The following NRDE2 variants were observed in gnomAD, a reference collection of about 807,000 sequenced individuals.
NRDE2 encodes the protein nuclear exosome regulator NRDE2.
In NRDE2, 76 loss-of-function variants were observed where a neutral mutation model predicts 124.2. The observed-to-expected ratio is 0.61, with a 90% CI of 0.51 to 0.74. NRDE2 has a LOEUF of 0.74. Ranked by LOEUF, NRDE2 falls within the 30% of genes least tolerant of loss-of-function variation. The probability of loss-of-function intolerance (pLI) is 0.00; values close to 1 mark genes in which losing one functional copy is unlikely to be tolerated. For missense variants in NRDE2, 1,314 were observed against 1,417.3 expected (o/e 0.93, Z 1.17); for synonymous variants, 489 against 528.1 (o/e 0.93, Z 1.01).
intron 13 of NRDE2, 37 bp downstream of exon 13, chr14:90,279,014 GCGGGAAGTTTT>G: frequency 7.4e-7 from 1 of 1,344,112 alleles, no homozygotes. Flanking sequence ...CGGAGACCTG[GCGGGAAGTTTT>G]CGGGAAGCTG....
In NRDE2 at chr14:90,307,494, G is replaced by A. The variant is rs143928247; in HGVS notation, c.558-3112C>T. On this transcript the variant is annotated intron_variant, in intron 4 of 13. Transcript: ENST00000354366. Reference sequence around the variant, plus strand: ...TAATCCCAGCACTTTGAGAGGCCGAGGTGGGTGGATCAATTAAGGCCAGGA... The same window carrying A: ...TAATCCCAGCACTTTGAGAGGCCGAAGTGGGTGGATCAATTAAGGCCAGGA... Among the ~76,000 whole-genome samples the A allele has an allele frequency of 5.3e-3, 804 of 152,292 alleles. 5 individuals carry two copies. The highest frequency in any genetic ancestry group is 0.016 in the South Asian group (75 of 4,824).
At chr14:90,315,798 A>G (rs1000624015) in intron 3 of NRDE2, among the ~76,000 whole-genome samples, 11 of 151,646 alleles carry the variant, frequency 7.3e-5, no homozygotes, top group South Asian at 2.1e-4. Flanking sequence ...TCTACTAAAA[A>G]TACAAAAAAT....
At position 90,331,866 on chromosome 14, in the gene NRDE2, A is replaced by G. The variant is rs1885720411; in HGVS notation, c.39T>C (p.Ala13=). 3 of 1,613,890 alleles carry G rather than the reference A, an allele frequency of 1.9e-6. No homozygotes were observed. Among genetic ancestry groups the G allele is most frequent in the Non-Finnish European group, 2.5e-6 (3 of 1,180,026 alleles). ...LFPAFAGLSE[A]PDGGSSRKEL... is the part of the protein sequence containing the mutation. The stretch of plus-strand genomic sequence containing the variant: ...CTTTCCTGGAGCTCCCGCCATCGGG[A>G]GCCTCACTAAGCCCCGCAAAGGCTG... Residue 13 remains alanine (A), a synonymous_variant, in exon 1 of 14, where the codon GCT becomes GCC. Coordinates refer to ENST00000354366, the MANE Select transcript of NRDE2 (RefSeq NM_017970.4).
Position 90,283,872 on chromosome 14 carries a change from C to T in NRDE2, c.3297+2482G>A, listed in dbSNP as rs576776422. Among the ~76,000 whole-genome samples, 455 of 152,024 alleles carry T rather than the reference C, an allele frequency of 3.0e-3. 2 individuals are homozygous for T. The highest frequency in any genetic ancestry group is 5.5e-3 in the Non-Finnish European group (372 of 67,968). On this transcript the variant is annotated intron_variant, in intron 12 of 13. Transcript: ENST00000354366. ...GACTACAGGCACCTGCTACCACGCC[C>T]GGCTAATTTTTTGTATTTTTAGTAG... is the stretch of plus-strand genomic sequence containing the variant.
chr14:90,293,878 C>T (rs1217660417), intron 8 of NRDE2, among the ~76,000 whole-genome samples: 4 of 152,232 alleles, frequency 2.6e-5, no homozygotes, highest in African/African-American at 7.2e-5. Context: ...TACAGCCACA[C>T]AGGAAATCAT....
At chr14:90,283,986 C>T (rs1892028304) in intron 12 of NRDE2, among the ~76,000 whole-genome samples, 1 of 152,148 alleles carries the variant, frequency 6.6e-6, no homozygotes, top group African/African-American at 2.4e-5. Flanking sequence ...GCTGGGATTA[C>T]AGGCATGAGC....
At chr14:90,325,584 G>A (rs1436028785) in intron 1 of NRDE2, among the ~76,000 whole-genome samples, 2 of 152,088 alleles carry the variant, frequency 1.3e-5, no homozygotes, top group African/African-American at 4.8e-5. Context: ...GGAGTGCAGT[G>A]GTGAGATCTC....
intron 11 of NRDE2, among the ~76,000 whole-genome samples, 184 bp downstream of exon 11, chr14:90,288,033 C>G (rs1056710370): frequency 6.6e-6 from 1 of 152,200 alleles, no homozygotes; most frequent in South Asian, 2.1e-4. Flanking sequence ...TGAGAGGCGC[C>G]GCTACTTTGT....
intron 1 of NRDE2, among the ~76,000 whole-genome samples, chr14:90,329,051 A>G (rs1158056003): frequency 6.6e-6 from 1 of 152,200 alleles, no homozygotes; most frequent in Non-Finnish European, 1.5e-5. Flanking sequence ...TGCTGTGTTT[A>G]TATTTTTTCA....
rs1892304545 is a variant in NRDE2 at position 90,292,718 on chromosome 14, GTCT to G, written c.1818_1820del (p.Glu606del). The G allele has an allele frequency of 1.9e-6, 3 of 1,614,120 alleles. No individual in the cohort carries two copies. Among genetic ancestry groups the G allele is most frequent in the Non-Finnish European group, 2.5e-6 (3 of 1,179,960 alleles). On this transcript the variant is annotated inframe_deletion, in exon 9 of 14. Coordinates refer to ENST00000354366, the MANE Select transcript of NRDE2 (RefSeq NM_017970.4). Reference sequence around the variant, plus strand: ...ATGCCTGTCTCTCGGGATCCTCACAGTCTTCCTCGGTTTGCTTCTTGGTCTTAT... The same window carrying G: ...ATGCCTGTCTCTCGGGATCCTCACAGTCCTCGGTTTGCTTCTTGGTCTTAT...
At chr14:90,289,849 A>T (rs1475121900) in intron 10 of NRDE2, among the ~76,000 whole-genome samples, 1 of 152,160 alleles carries the variant, frequency 6.6e-6, no homozygotes, top group Non-Finnish European at 1.5e-5. Context: ...CGGCCTCCCA[A>T]AGTGCTGGGA....
intron 4 of NRDE2, among the ~76,000 whole-genome samples, chr14:90,312,147 T>A (rs1016402223): frequency 1.3e-5 from 2 of 152,240 alleles, no homozygotes; most frequent in African/African-American, 4.8e-5. Flanking sequence ...CTAATACTTA[T>A]TGAACGCCTA....
At chr14:90,289,651 G>A (rs1440200213) in intron 10 of NRDE2, among the ~76,000 whole-genome samples, 3 of 152,166 alleles carry the variant, frequency 2.0e-5, no homozygotes, top group Non-Finnish European at 1.5e-5. Context: ...GCAATGGTGC[G>A]ATCTCAGTTC....
At chr14:90,330,206 C>CAAAAAAAAAAAA (rs5810495) in intron 1 of NRDE2, among the ~76,000 whole-genome samples, 3 of 132,154 alleles carry the variant, frequency 2.3e-5, no homozygotes, top group Non-Finnish European at 3.2e-5. Flanking sequence ...GACTTGGTCT[C>CAAAAAAAAAAAA]AAAAAAAAAA....
chr14:90,276,292 C>G lies in NRDE2; in HGVS notation c.*2044G>C, dbSNP rs1891803142. The G allele has an allele frequency of 6.8e-6, 1 of 147,688 alleles. No individual in the cohort carries two copies. The highest frequency in any genetic ancestry group is 2.2e-4 in the South Asian group (1 of 4,588). 9.1% of individuals were successfully genotyped at this position (147,688 alleles called of 1,614,324 possible). On this transcript the variant is annotated 3_prime_UTR_variant, in exon 14 of 14. Coordinates refer to ENST00000354366, the MANE Select transcript of NRDE2 (RefSeq NM_017970.4). ...GGAGTGCAGTGGCGCGATCTTGGCT[C>G]ACTGCAAGCTCTGCCTCCCAGGTTC...
Position 90,278,462 on chromosome 14 carries a change from C to A in NRDE2, c.3370-1G>T. On this transcript the variant is annotated splice_acceptor_variant, in intron 13 of 13. Transcript: ENST00000354366. LOFTEE classifies it high-confidence loss of function. ...ACTCCACGGCGTCCAGGTACAACACCTAGGGGGCAGGCAGGAAGGCCGCCC... is the reference window on the plus strand; with the variant it reads ...ACTCCACGGCGTCCAGGTACAACACATAGGGGGCAGGCAGGAAGGCCGCCC... The A allele has an allele frequency of 1.2e-6, 2 of 1,613,936 alleles. No homozygotes were observed. Among genetic ancestry groups the A allele is most frequent in the South Asian group, 1.1e-5 (1 of 91,072 alleles).
intron 8 of NRDE2, among the ~76,000 whole-genome samples, chr14:90,294,890 T>G (rs1469821117): frequency 6.6e-6 from 1 of 152,246 alleles, no homozygotes; most frequent in Non-Finnish European, 1.5e-5. Flanking sequence ...TATATAACCT[T>G]CATGAGATAA....
At chr14:90,310,538 T>G (rs1425576108) in intron 4 of NRDE2, among the ~76,000 whole-genome samples, 1 of 119,510 alleles carries the variant, frequency 8.4e-6, no homozygotes, top group East Asian at 2.6e-4. Flanking sequence ...TTTTTTTTTT[T>G]GAGACAGAGT....
chr14:90,303,296 T>C (rs947983073), intron 5 of NRDE2, among the ~76,000 whole-genome samples, 171 bp from the exon 6 acceptor site: 2 of 152,238 alleles, frequency 1.3e-5, no homozygotes, highest in African/African-American at 4.8e-5. Flanking sequence ...TCACCTGATA[T>C]GTTTGATCTT....
Sources: gnomAD v4.1 joint callset for allele counts (sites outside exome capture counted in the v4.1 genomes callset) on GRCh38, gnomAD v4.1.1 for gene constraint, MANE v1.5 for transcripts, NCBI Gene and HGNC (gene_info 2026-07-23, HGNC 2026-07-21) for gene names.